The following ZNF280B variants were observed in gnomAD, a reference collection of about 807,000 sequenced individuals.
ZNF280B encodes suppressor of hairy wing homolog 2.
Under a neutral mutation model 38.0 loss-of-function variants are expected in ZNF280B, and 16 were observed. The observed-to-expected ratio is 0.42, with a 90% CI of 0.28 to 0.64. ZNF280B has a LOEUF of 0.64. Ranked by LOEUF, ZNF280B falls within the 30% of genes least tolerant of loss-of-function variation. The pLI is 0.21. For synonymous variants in ZNF280B, 253 were observed against 230.6 expected (o/e 1.10, Z -0.88); for missense variants, 581 against 639.6 (o/e 0.91, Z 0.99).
At chr22:22,493,015 ATTTT>A (rs2061627188) in intron 3 of ZNF280B, among the ~76,000 whole-genome samples, 1 of 151,668 alleles carries the variant, frequency 6.6e-6, no homozygotes, top group Non-Finnish European at 1.5e-5. Flanking sequence ...TATTGTTATT[ATTTT>A]TTCTTTTTCA....
chr22:22,503,507 T>C (rs1365704900), intron 2 of ZNF280B, among the ~76,000 whole-genome samples: 1 of 151,940 alleles, frequency 6.6e-6, no homozygotes, highest in Non-Finnish European at 1.5e-5. Context: ...GCAAGGATAA[T>C]GGAACAATGC....
In ZNF280B at chr22:22,486,244, T is replaced by C. The variant is rs1008222568; in HGVS notation, c.*1523A>G. On this transcript the variant is annotated 3_prime_UTR_variant, in exon 4 of 4. Coordinates refer to ENST00000626650, the MANE Select transcript of ZNF280B (RefSeq NM_080764.4). The stretch of plus-strand genomic sequence containing the variant: ...CTTCACATGTTCAATTAGGGTAAGA[T>C]ATATATGCACAGAAAAATATAAAGC... 6.6e-6 allele frequency: 1 copy of C among 152,074 alleles called. No homozygotes were observed. Among genetic ancestry groups the C allele is most frequent in the Non-Finnish European group, 1.5e-5 (1 of 68,018 alleles). 9.4% of individuals were successfully genotyped at this position (152,074 alleles called of 1,614,324 possible).
chr22:22,492,758 C>T (rs1479454711), intron 3 of ZNF280B, among the ~76,000 whole-genome samples: 1 of 151,212 alleles, frequency 6.6e-6, no homozygotes, highest in African/African-American at 2.4e-5. Context: ...TGGTGGTAGA[C>T]ACCTGTAATC....
chr22:22,501,285 A>G (rs1167318472), intron 2 of ZNF280B, among the ~76,000 whole-genome samples: 5 of 151,798 alleles, frequency 3.3e-5, no homozygotes, highest in East Asian at 2.0e-4. Flanking sequence ...ACAGGCCCCA[A>G]TCGGCATGGT....
intron 3 of ZNF280B, 49 bp from the exon 4 acceptor site, chr22:22,489,515 T>A: frequency 1.2e-6 from 1 of 864,236 alleles, no homozygotes; most frequent in Admixed American, 3.2e-5. Flanking sequence ...ATTACCTTAT[T>A]TAATTTTCCT....
At chr22:22,499,400 G>T (rs1255536744) in intron 2 of ZNF280B, among the ~76,000 whole-genome samples, 3 of 151,846 alleles carry the variant, frequency 2.0e-5, no homozygotes, top group African/African-American at 7.3e-5. Flanking sequence ...AAGTAGCTGG[G>T]ATTACAGGCA....
In ZNF280B at chr22:22,494,176, C is replaced by T. The variant is rs2061650862; in HGVS notation, c.-182G>A. On this transcript the variant is annotated 5_prime_UTR_variant, in exon 3 of 4. Transcript: ENST00000626650. ...GTCCAGCATCTTGATCTTGAACTTC[C>T]CAGCCTAAAAATGTGAGAAATGAAT... 1 of 151,896 alleles carries T rather than the reference C, an allele frequency of 6.6e-6. No individual in the cohort carries two copies. Among genetic ancestry groups the T allele is most frequent in the South Asian group, 2.1e-4 (1 of 4,802 alleles). 9.4% of individuals were successfully genotyped at this position (151,896 alleles called of 1,614,324 possible).
chr22:22,508,557 G>T (rs1408879313), intron 1 of ZNF280B, 102 bp downstream of exon 1: 1 of 152,002 alleles, frequency 6.6e-6, no homozygotes. Context: ...GGCAGCGCAC[G>T]GCCAAGCGCG....
chr22:22,495,137 T>C (rs902801936), intron 2 of ZNF280B, among the ~76,000 whole-genome samples: 2 of 151,948 alleles, frequency 1.3e-5, no homozygotes, highest in Non-Finnish European at 2.9e-5. Flanking sequence ...GCCATATATA[T>C]TTTTCTTCTG....
chr22:22,493,746 T>C (rs1416462605), intron 3 of ZNF280B, among the ~76,000 whole-genome samples: 1 of 151,974 alleles, frequency 6.6e-6, no homozygotes, highest in Non-Finnish European at 1.5e-5. Flanking sequence ...CTGTCTCTTT[T>C]CTCTGTCCTT....
rs773298286 is a variant in ZNF280B, at chr22:22,489,106, G to C, written c.293C>G (p.Ala98Gly). 8 of 1,613,798 alleles carry C rather than the reference G, an allele frequency of 5.0e-6. No individual in the cohort carries two copies. The highest frequency in any genetic ancestry group is 1.7e-5 in the Admixed American group (1 of 59,968). ...PKSHETVTSE[A>G]VTVLPASQLE... ...TTGGGAAGCTGGCAGGACGGTCACT[G>C]CTTCTGATGTAACGGTCTCATGACT... The change falls in exon 4 of 4, where the codon GCA becomes GGA. Residue 98 changes from alanine to glycine, a missense_variant. Transcript: ENST00000626650.
chr22:22,507,938 G>A (rs2061972599), intron 1 of ZNF280B, 68 bp from the exon 2 acceptor site: 1 of 151,976 alleles, frequency 6.6e-6, no homozygotes, highest in African/African-American at 2.4e-5. Flanking sequence ...CCCACTGCCT[G>A]ACATTGCCAT....
intron 2 of ZNF280B, among the ~76,000 whole-genome samples, chr22:22,500,616 G>A (rs1286869278): frequency 2.0e-5 from 3 of 151,908 alleles, no homozygotes; most frequent in Non-Finnish European, 1.5e-5. Flanking sequence ...AGGACTTTGG[G>A]AGGCTGAGGT....
chr22:22,496,105 C>CTTT (rs34586676), intron 2 of ZNF280B, among the ~76,000 whole-genome samples: 5 of 114,668 alleles, frequency 4.4e-5, no homozygotes, highest in East Asian at 2.5e-4. Flanking sequence ...TGCGCCTGGC[C>CTTT]TTTTTTTTTT....
At position 22,487,738 on chromosome 22, in the gene ZNF280B, T is replaced by C. The variant is rs747685320; in HGVS notation, c.*29A>G. ...TGAGGTTTTTTAATTTGGTTTGAAA[T>C]ACTTGCTTTAGATTTACTGAAACTA... On this transcript the variant is annotated 3_prime_UTR_variant, in exon 4 of 4. Coordinates refer to ENST00000626650, the MANE Select transcript of ZNF280B (RefSeq NM_080764.4). The C allele has an allele frequency of 2.0e-6, 3 of 1,534,134 alleles. No individual in the cohort carries two copies. The highest frequency in any genetic ancestry group is 4.5e-5 in the Admixed American group (2 of 44,196).
chr22:22,508,382 C>T (rs2061982838), intron 1 of ZNF280B, among the ~76,000 whole-genome samples: 1 of 151,864 alleles, frequency 6.6e-6, no homozygotes, highest in Admixed American at 6.6e-5. Context: ...CTCCAGGAGG[C>T]CCGGGCCCAG....
intron 2 of ZNF280B, among the ~76,000 whole-genome samples, chr22:22,506,836 G>C (rs1484654043): frequency 1.3e-5 from 2 of 152,044 alleles, no homozygotes; most frequent in African/African-American, 4.8e-5. Context: ...CTATGGAAAA[G>C]GGTTAAATGG....
chr22:22,499,016 G>GTC (rs560586635), intron 2 of ZNF280B, among the ~76,000 whole-genome samples: 398 of 151,436 alleles, frequency 2.6e-3, no homozygotes, highest in Non-Finnish European at 4.2e-3. Context: ...AGCCAGGATG[G>GTC]TCTCAATCTC....
At chr22:22,494,459 G>C (rs923425460) in intron 2 of ZNF280B, among the ~76,000 whole-genome samples, 1 of 151,926 alleles carries the variant, frequency 6.6e-6, no homozygotes, top group African/African-American at 2.4e-5. Flanking sequence ...TTCTCCTCTA[G>C]ATGTCCAGAG....
Sources: gnomAD v4.1 joint callset for allele counts (sites outside exome capture counted in the v4.1 genomes callset) on GRCh38, gnomAD v4.1.1 for gene constraint, MANE v1.5 for transcripts, NCBI Gene and HGNC (gene_info 2026-07-23, HGNC 2026-07-21) for gene names.